CPNE4: variants seen among roughly 807,000 people sequenced by gnomAD.
CPNE4 encodes the protein copine 4.
In CPNE4, 25 loss-of-function variants were observed where a neutral mutation model predicts 67.9. That is an observed-to-expected ratio of 0.37 (90% confidence interval 0.27 to 0.51). The LOEUF (loss-of-function observed/expected upper bound fraction) is 0.51. Ranked by LOEUF, CPNE4 falls within the 20% of genes least tolerant of loss-of-function variation. CPNE4 has a pLI of 0.93. For missense variants in CPNE4, 464 were observed against 690.8 expected (o/e 0.67, Z 3.68); for synonymous variants, 242 against 244.9 (o/e 0.99, Z 0.11).
chr3:131,987,572 G>C (rs957313810), intron 1 of CPNE4, among the ~76,000 whole-genome samples: 4 of 151,938 alleles, frequency 2.6e-5, no homozygotes, highest in Non-Finnish European at 4.4e-5. Flanking sequence ...ATTTTTAGTA[G>C]AGACAGGGCT....
At chr3:131,541,858 A>G (rs1034040062) in intron 15 of CPNE4, among the ~76,000 whole-genome samples, 3 of 151,928 alleles carry the variant, frequency 2.0e-5, no homozygotes, top group Non-Finnish European at 4.4e-5. Context: ...TTTAGTAGAG[A>G]TGGAGTTTTA....
chr3:131,957,813 A>C (rs1367388321), intron 1 of CPNE4, among the ~76,000 whole-genome samples: 2 of 152,246 alleles, frequency 1.3e-5, no homozygotes, highest in Admixed American at 1.3e-4. Flanking sequence ...CTGTGCCAGA[A>C]AGTGAACGAG....
chr3:131,879,830 C>T (rs962329654), intron 2 of CPNE4, among the ~76,000 whole-genome samples: 1 of 152,118 alleles, frequency 6.6e-6, no homozygotes, highest in African/African-American at 2.4e-5. Context: ...CCTTTGCACA[C>T]AGCATAATTT....
intron 1 of CPNE4, among the ~76,000 whole-genome samples, chr3:131,912,658 G>C (rs1282724707): frequency 1.3e-5 from 2 of 152,086 alleles, no homozygotes; most frequent in African/African-American, 2.4e-5. Context: ...CTTAGATCAA[G>C]AGGAGATCTG....
chr3:131,935,193 A>G (rs2071187485), intron 1 of CPNE4, among the ~76,000 whole-genome samples: 1 of 152,128 alleles, frequency 6.6e-6, no homozygotes, highest in Non-Finnish European at 1.5e-5. Context: ...GAATGTCAGC[A>G]AGTAGCTGGG....
Position 131,630,703 on chromosome 3 carries a change from T to C in CPNE4, c.681+38972A>G, listed in dbSNP as rs529600240. 4.6e-5 allele frequency among the ~76,000 whole-genome samples: 7 copies of C among 152,322 alleles called. No homozygotes were observed. The South Asian group carries it at 1.4e-3, about 32-fold the overall frequency. The stretch of plus-strand genomic sequence containing the variant: ...GTGACCATATTGAATGGAACAGATA[T>C]AGAATATTTCCATCACACAAAGTGT... On this transcript the variant is annotated intron_variant, in intron 7 of 15. Coordinates refer to ENST00000429747, the MANE Select transcript of CPNE4 (RefSeq NM_130808.3).
chr3:131,767,949 A>G (rs2083064893), intron 2 of CPNE4, among the ~76,000 whole-genome samples: 1 of 152,084 alleles, frequency 6.6e-6, no homozygotes, highest in South Asian at 2.1e-4. Flanking sequence ...ATGTTTTGCC[A>G]CTTCATTTTT....
intron 1 of CPNE4, among the ~76,000 whole-genome samples, chr3:131,995,477 A>T (rs756917670): frequency 1.3e-5 from 2 of 152,100 alleles, no homozygotes; most frequent in Non-Finnish European, 2.9e-5. Flanking sequence ...AAAACATTGC[A>T]TCCGACCATG....
chr3:131,624,067 C>T (rs1940611904), intron 7 of CPNE4, among the ~76,000 whole-genome samples: 1 of 152,142 alleles, frequency 6.6e-6, no homozygotes, highest in Non-Finnish European at 1.5e-5. Context: ...TTTTGGGTGC[C>T]TGGCCTTGCT....
chr3:132,000,190 G>T (rs971157044), intron 1 of CPNE4, among the ~76,000 whole-genome samples: 19 of 151,950 alleles, frequency 1.3e-4, no homozygotes, highest in Non-Finnish European at 2.7e-4. Flanking sequence ...TCATAAAAAT[G>T]GGATTTAAGG....
chr3:131,903,526 C>G (rs2088628742), intron 2 of CPNE4, among the ~76,000 whole-genome samples: 1 of 152,156 alleles, frequency 6.6e-6, no homozygotes, highest in South Asian at 2.1e-4. Context: ...CACAAACCAC[C>G]AAAGACTGAT....
chr3:131,605,001 T>C (rs776390674), intron 7 of CPNE4, among the ~76,000 whole-genome samples: 7 of 152,138 alleles, frequency 4.6e-5, no homozygotes, highest in Admixed American at 2.0e-4. Context: ...CACTAAGTCA[T>C]TGGCTAAGTC....
At chr3:131,673,720 T>C (rs2080486191) in intron 6 of CPNE4, among the ~76,000 whole-genome samples, 1 of 152,066 alleles carries the variant, frequency 6.6e-6, no homozygotes, top group Admixed American at 6.6e-5. Context: ...TTGTAGAGTC[T>C]TTAGGTTTTT....
At chr3:131,607,784 G>A (rs1939591244) in intron 7 of CPNE4, among the ~76,000 whole-genome samples, 1 of 152,148 alleles carries the variant, frequency 6.6e-6, no homozygotes, top group Admixed American at 6.6e-5. Flanking sequence ...GATGATAGAA[G>A]TTAAACCGTT....
intron 2 of CPNE4, among the ~76,000 whole-genome samples, chr3:131,838,897 TA>T (rs1481424294): frequency 2.0e-5 from 3 of 151,888 alleles, no homozygotes; most frequent in Non-Finnish European, 4.4e-5. Flanking sequence ...ACTTAAAATA[TA>T]AAATTTCTGA....
chr3:131,612,548 AAGAG>A (rs1280894360), intron 7 of CPNE4, among the ~76,000 whole-genome samples: 5 of 152,156 alleles, frequency 3.3e-5, no homozygotes, highest in Admixed American at 3.3e-4. Context: ...AGAGTGGTGA[AAGAG>A]AGAATCCTGT....
intron 7 of CPNE4, among the ~76,000 whole-genome samples, chr3:131,618,445 C>A (rs1940283818): frequency 6.6e-6 from 1 of 152,010 alleles, no homozygotes; most frequent in South Asian, 2.1e-4. Flanking sequence ...GTATACAACA[C>A]ATTATTATTA....
intron 7 of CPNE4, among the ~76,000 whole-genome samples, chr3:131,601,316 A>G (rs965672566): frequency 6.6e-6 from 1 of 152,156 alleles, no homozygotes; most frequent in Non-Finnish European, 1.5e-5. Context: ...ACAATAGACT[A>G]GGAATTGAGC....
At chr3:131,867,856 G>A (rs773060010) in intron 2 of CPNE4, among the ~76,000 whole-genome samples, 20 of 151,978 alleles carry the variant, frequency 1.3e-4, no homozygotes, top group African/African-American at 4.8e-4. Flanking sequence ...CATCCTCTAC[G>A]TTGATGGATA....
Sources: gnomAD v4.1 joint callset for allele counts (sites outside exome capture counted in the v4.1 genomes callset) on GRCh38, gnomAD v4.1.1 for gene constraint, MANE v1.5 for transcripts, NCBI Gene and HGNC (gene_info 2026-07-23, HGNC 2026-07-21) for gene names.